CHD9: variants seen among roughly 807,000 people sequenced by gnomAD.
The protein encoded by CHD9 is chromodomain helicase DNA binding protein 9.
A neutral mutation model predicts 316.1 loss-of-function variants in CHD9; 77 were observed. The ratio of observed to expected loss-of-function variants is 0.24; its 90% confidence interval spans 0.20 to 0.29. CHD9 has a LOEUF of 0.29. Ranked by LOEUF, CHD9 falls within the 10% of genes least tolerant of loss-of-function variation. CHD9 has a pLI of 1.00. For missense variants in CHD9, 2,763 were observed against 3,438.1 expected, an observed-to-expected ratio of 0.80 and a Z score of 4.91; for synonymous variants, 1,129 against 1,158.3, an observed-to-expected ratio of 0.97 and a Z score of 0.51.
chr16:53,297,088 T>C lies in CHD9; in HGVS notation c.5643T>C (p.Asp1881=), dbSNP rs368264575. Residue 1881 remains aspartate (D), a synonymous_variant, in exon 30 of 39, where the codon GAT becomes GAC. Coordinates refer to ENST00000447540, the MANE Select transcript of CHD9 (RefSeq NM_001308319.2). ...CTAGGCTACATAAGAAAACTGATGA[T>C]AGTTTGGAAAAATATTTGTACGCAT... ...AMARLHKKTD[D]SLEKYLYAFM... 9.3e-6 allele frequency: 15 copies of C among 1,613,770 alleles called. No homozygotes were observed. In the East Asian group the frequency reaches 2.0e-4, roughly 22 times the overall value.
intron 1 of CHD9, among the ~76,000 whole-genome samples, chr16:53,142,728 G>T (rs566556222): frequency 5.4e-4 from 83 of 152,340 alleles, no homozygotes; most frequent in Non-Finnish European, 1.0e-3. Context: ...CCAGATATTT[G>T]TCTAATTGAT....
chr16:53,130,683 G>A (rs1234669103), intron 1 of CHD9, among the ~76,000 whole-genome samples: 1 of 151,518 alleles, frequency 6.6e-6, no homozygotes, highest in East Asian at 2.0e-4. Flanking sequence ...GGCGCGGCGG[G>A]GCCATGTTGG....
intron 37 of CHD9, among the ~76,000 whole-genome samples, chr16:53,319,345 A>C (rs1025248415): frequency 6.6e-6 from 1 of 152,208 alleles, no homozygotes; most frequent in African/African-American, 2.4e-5. Flanking sequence ...ATACCCAAAA[A>C]CATTTGAATT....
chr16:53,073,829 C>T (rs938872221), intron 1 of CHD9, among the ~76,000 whole-genome samples: 4 of 152,204 alleles, frequency 2.6e-5, no homozygotes, highest in Non-Finnish European at 4.4e-5. Flanking sequence ...TTCCTAGTCT[C>T]ATGTATGTCT....
At chr16:53,270,883 G>A (rs759135014) in intron 22 of CHD9, among the ~76,000 whole-genome samples, 20 of 151,966 alleles carry the variant, frequency 1.3e-4, no homozygotes, top group Non-Finnish European at 2.4e-4. Flanking sequence ...CATTCAAAGC[G>A]GTTTAAAAAA....
rs1280138428 is a variant in CHD9, at chr16:53,247,511, A to G, written c.3665+8A>G. The G allele has an allele frequency of 2.6e-6, 4 of 1,563,550 alleles. No individual in the cohort carries two copies. The highest frequency in any genetic ancestry group is 3.5e-6 in the Non-Finnish European group (4 of 1,145,228). Reference sequence around the variant, plus strand: ...CTATCTCATACATAAAAGGTAAAGCATACTGAATTTACTGTGAATTATGCT... The same window carrying G: ...CTATCTCATACATAAAAGGTAAAGCGTACTGAATTTACTGTGAATTATGCT... On this transcript the variant is annotated splice_region_variant and intron_variant, in intron 16 of 38. Coordinates refer to ENST00000447540, the MANE Select transcript of CHD9 (RefSeq NM_001308319.2).
chr16:53,212,581 G>A (rs927465577), intron 3 of CHD9, among the ~76,000 whole-genome samples: 1 of 151,998 alleles, frequency 6.6e-6, no homozygotes, highest in Non-Finnish European at 1.5e-5. Flanking sequence ...AAACCTTTTC[G>A]TTGTCACTTT....
chr16:53,073,577 C>T (rs1185133461), intron 1 of CHD9, among the ~76,000 whole-genome samples: 2 of 152,166 alleles, frequency 1.3e-5, no homozygotes, highest in Non-Finnish European at 2.9e-5. Flanking sequence ...AACTGTATTC[C>T]CATAATTCCC....
chr16:53,105,152 TA>T (rs1234299382), intron 1 of CHD9, among the ~76,000 whole-genome samples: 2 of 152,148 alleles, frequency 1.3e-5, no homozygotes, highest in African/African-American at 4.8e-5. Context: ...CTCTTTAAAA[TA>T]TTAAGTTTAT....
chr16:53,120,704 T>A (rs562152904), intron 1 of CHD9, among the ~76,000 whole-genome samples: 1 of 152,160 alleles, frequency 6.6e-6, no homozygotes, highest in Non-Finnish European at 1.5e-5. Context: ...AAGTCATACA[T>A]GCTTTCTAAA....
At chr16:53,202,669 A>G (rs2045565213) in intron 2 of CHD9, among the ~76,000 whole-genome samples, 1 of 152,198 alleles carries the variant, frequency 6.6e-6, no homozygotes, top group Non-Finnish European at 1.5e-5. Flanking sequence ...CAAAACTTGT[A>G]TGAACATCTA....
chr16:53,255,496 C>T, intron 18 of CHD9, 104 bp from the exon 19 acceptor site: 1 of 930,734 alleles, frequency 1.1e-6, no homozygotes, highest in Non-Finnish European at 1.6e-6. Flanking sequence ...AACCCAAATG[C>T]AGTTTAAGCA....
chr16:53,134,786 A>G (rs1233165848), intron 1 of CHD9, among the ~76,000 whole-genome samples: 1 of 152,220 alleles, frequency 6.6e-6, no homozygotes, highest in Admixed American at 6.5e-5. Flanking sequence ...CTCTGGACTC[A>G]AAGTCATTCA....
In CHD9 at chr16:53,312,137, A is replaced by C. The variant is rs1190430282; in HGVS notation, c.7223-2240A>C. The C allele has an allele frequency of 3.3e-5, 5 of 152,312 alleles. No homozygotes were observed. The South Asian group carries it at 1.0e-3, about 32-fold the overall frequency. 9.4% of individuals were successfully genotyped at this position (152,312 alleles called of 1,614,324 possible). A position where few individuals can be genotyped will look rare whatever the true frequency, so the allele number is the denominator to read the frequency against. On this transcript the variant is annotated intron_variant, in intron 34 of 38. Coordinates refer to ENST00000447540, the MANE Select transcript of CHD9 (RefSeq NM_001308319.2). ...TAAATGTACACAGTATTGTAAATGTACAATATTGGTAGAAACCAGATGTTT... is the reference window on the plus strand; with the variant it reads ...TAAATGTACACAGTATTGTAAATGTCCAATATTGGTAGAAACCAGATGTTT...
chr16:53,315,187 C>T (rs1264444477), intron 36 of CHD9, 143 bp downstream of exon 36: 1 of 625,900 alleles, frequency 1.6e-6, no homozygotes, highest in East Asian at 2.7e-5. Flanking sequence ...AAATAATTAC[C>T]ATCCTTCCCA....
intron 12 of CHD9, 57 bp from the exon 13 acceptor site, chr16:53,242,783 A>G (rs1314195181): frequency 4.1e-6 from 6 of 1,470,926 alleles, no homozygotes; most frequent in East Asian, 2.3e-5. Context: ...ACTTGACAGG[A>G]ATAAAAAATA....
rs1567531970 is a variant in CHD9, at chr16:53,235,190, T to C, written c.2517T>C (p.Arg839=). 1 of 1,557,272 alleles carries C rather than the reference T, an allele frequency of 6.4e-7. No homozygotes were observed. The highest frequency in any genetic ancestry group is 8.7e-7 in the Non-Finnish European group (1 of 1,148,800). The change falls in exon 11 of 39, where the codon CGT becomes CGC. Residue 839 remains arginine, a synonymous_variant. Transcript: ENST00000447540. ...ASRPDTRRLD[R]PPSNIWKKID... is the part of the protein sequence containing the mutation. ...TTCTTTGTTTTTCCACAAAGGACCG[T>C]CCTCCTTCTAATATTTGGAAGAAAA...
intron 29 of CHD9, among the ~76,000 whole-genome samples, chr16:53,294,276 ATTG>A (rs1364429521): frequency 6.6e-6 from 1 of 152,166 alleles, no homozygotes; most frequent in Non-Finnish European, 1.5e-5. Context: ...TGGAAGATAT[ATTG>A]TTCTTTTGTT....
At chr16:53,125,164 A>G (rs2038915685) in intron 1 of CHD9, among the ~76,000 whole-genome samples, 1 of 150,546 alleles carries the variant, frequency 6.6e-6, no homozygotes, top group Non-Finnish European at 1.5e-5. Flanking sequence ...TATTCTGTAC[A>G]CTAAACCCTT....
Sources: allele counts gnomAD v4.1 joint callset (sites outside exome capture counted in the v4.1 genomes callset), GRCh38; gene constraint gnomAD v4.1.1; transcripts MANE v1.5; gene names NCBI Gene and HGNC (gene_info 2026-07-23, HGNC 2026-07-21).